SHTN1: variants seen among roughly 807,000 people sequenced by gnomAD.
SHTN1 encodes shootin-1.
SHTN1 carries 42 observed loss-of-function variants against 83.1 expected under a neutral mutation model. The ratio of observed to expected loss-of-function variants is 0.51; its 90% CI spans 0.39 to 0.65. SHTN1 has a LOEUF of 0.65. Among genes scored for constraint, SHTN1 ranks in the 30% least tolerant of loss-of-function variants. SHTN1 has a pLI of 0.00. For missense variants in SHTN1, 622 were observed against 737.8 expected, an observed-to-expected ratio of 0.84 and a Z score of 1.82; for synonymous variants, 224 against 247.7, an observed-to-expected ratio of 0.90 and a Z score of 0.90.
At chr10:116,923,984 T>C (rs1427782706) in intron 11 of SHTN1, among the ~76,000 whole-genome samples, 1 of 152,164 alleles carries the variant, frequency 6.6e-6, no homozygotes, top group Non-Finnish European at 1.5e-5. Flanking sequence ...CCATAAAGCA[T>C]AGTAAAAAGA....
intron 16 of SHTN1, chr10:116,900,587 C>T: frequency 6.5e-7 from 1 of 1,531,672 alleles, no homozygotes; most frequent in Non-Finnish European, 8.7e-7. Flanking sequence ...CACACTGAAG[C>T]ATTTATCAGA....
chr10:117,063,619 A>C (rs1852932394), intron 1 of SHTN1, among the ~76,000 whole-genome samples: 1 of 152,134 alleles, frequency 6.6e-6, no homozygotes, highest in Non-Finnish European at 1.5e-5. Context: ...TGCTCTTGAG[A>C]AAAATGCAAA....
intron 1 of SHTN1, among the ~76,000 whole-genome samples, chr10:117,004,328 G>A (rs1260528142): frequency 6.6e-6 from 1 of 152,094 alleles, no homozygotes; most frequent in African/African-American, 2.4e-5. Flanking sequence ...AAAAATGATT[G>A]ACTGAAGCAG....
intron 4 of SHTN1, among the ~76,000 whole-genome samples, chr10:116,955,664 T>G (rs915129681): frequency 2.0e-5 from 3 of 152,162 alleles, no homozygotes; most frequent in Non-Finnish European, 4.4e-5. Flanking sequence ...GGAGATCTGA[T>G]TTCTACCCCA....
Position 117,073,681 on chromosome 10 carries a change from C to T in SHTN1, c.-188-25171G>A, listed in dbSNP as rs187823636. ...GATTTGCTTTAATTTTTAGCCCCCT[C>T]CTCTAGGAGTCTGACATGAACCCTG... is the stretch of plus-strand genomic sequence containing the variant. On this transcript the variant is annotated intron_variant, in intron 1 of 17. Transcript: ENST00000392901. Among the ~76,000 whole-genome samples, 363 of 152,310 alleles carry T rather than the reference C, an allele frequency of 2.4e-3. 2 individuals are homozygous for T. Among genetic ancestry groups the T allele is most frequent in the Non-Finnish European group, 3.8e-3 (260 of 68,032 alleles).
At chr10:117,002,477 G>A (rs1851856296) in intron 1 of SHTN1, among the ~76,000 whole-genome samples, 1 of 152,196 alleles carries the variant, frequency 6.6e-6, no homozygotes, top group Non-Finnish European at 1.5e-5. Context: ...AATAGGGGTA[G>A]TGGAATTATC....
At chr10:116,984,491 CT>C (rs1303118551) in intron 1 of SHTN1, among the ~76,000 whole-genome samples, 1 of 152,062 alleles carries the variant, frequency 6.6e-6, no homozygotes, top group Non-Finnish European at 1.5e-5. Flanking sequence ...ATCAATTTCC[CT>C]TCCCTACTCC....
At chr10:117,053,605 G>C (rs1025733258) in intron 1 of SHTN1, among the ~76,000 whole-genome samples, 4 of 152,118 alleles carry the variant, frequency 2.6e-5, no homozygotes, top group Admixed American at 1.3e-4. Context: ...TTTAAAAATG[G>C]GAAGTGTTGG....
At chr10:117,097,028 T>TAA (rs1472242175) in intron 1 of SHTN1, among the ~76,000 whole-genome samples, 5 of 98,466 alleles carry the variant, frequency 5.1e-5, no homozygotes, top group African/African-American at 1.9e-4. Flanking sequence ...CACACACACA[T>TAA]AGACACACAC....
intron 2 of SHTN1, among the ~76,000 whole-genome samples, chr10:116,977,174 G>T (rs554436101): frequency 6.6e-6 from 1 of 152,286 alleles, no homozygotes; most frequent in African/African-American, 2.4e-5. Flanking sequence ...TTAGGGCACT[G>T]CTAGGTCTAC....
chr10:117,104,576 C>A (rs2133633176), intron 1 of SHTN1, among the ~76,000 whole-genome samples: 1 of 152,258 alleles, frequency 6.6e-6, no homozygotes, highest in South Asian at 2.1e-4. Flanking sequence ...CGAGACCATC[C>A]TGGCTAACAA....
intron 2 of SHTN1, among the ~76,000 whole-genome samples, chr10:117,025,934 G>A (rs1030450532): frequency 7.9e-5 from 12 of 152,300 alleles, no homozygotes; most frequent in African/African-American, 2.6e-4. Flanking sequence ...TATGTCGAGG[G>A]CCTTGGGTGA....
At chr10:117,042,598 T>C (rs1032759875) in intron 2 of SHTN1, among the ~76,000 whole-genome samples, 4 of 151,994 alleles carry the variant, frequency 2.6e-5, no homozygotes, top group Admixed American at 6.6e-5. Context: ...TTCCATTATA[T>C]TCATGACCAG....
At chr10:117,047,412 GA>G (rs1852680691) in intron 2 of SHTN1, among the ~76,000 whole-genome samples, 1 of 152,058 alleles carries the variant, frequency 6.6e-6, no homozygotes, top group African/African-American at 2.4e-5. Flanking sequence ...TCAACACTGA[GA>G]AATGATTAAT....
chr10:117,101,428 G>A (rs1393828762), intron 1 of SHTN1, among the ~76,000 whole-genome samples: 1 of 152,208 alleles, frequency 6.6e-6, no homozygotes, highest in Non-Finnish European at 1.5e-5. Flanking sequence ...CAAGGGATAA[G>A]AGAACAGCTG....
At position 116,884,093 on chromosome 10, in the gene SHTN1, A is replaced by G. The variant is rs537023513; in HGVS notation, c.*2251T>C. On this transcript the variant is annotated 3_prime_UTR_variant, in exon 17 of 17. Transcript: ENST00000355371. ...TCCCAAACAGAAGGAAGCATAAATAACCTTTTAGAGAAATCAAAAACATAA... is the reference window on the plus strand; with the variant it reads ...TCCCAAACAGAAGGAAGCATAAATAGCCTTTTAGAGAAATCAAAAACATAA... 5.1e-6 allele frequency: 2 copies of G among 391,878 alleles called. No homozygotes were observed. The highest frequency in any genetic ancestry group is 1.5e-4 in the East Asian group (2 of 13,040). 24.3% of individuals were successfully genotyped at this position (391,878 alleles called of 1,614,324 possible).
At chr10:117,119,334 A>AAC (rs1853892055) in intron 1 of SHTN1, among the ~76,000 whole-genome samples, 1 of 152,244 alleles carries the variant, frequency 6.6e-6, no homozygotes, top group Non-Finnish European at 1.5e-5. Context: ...AAGAAGCTCA[A>AAC]ACAATTCTAC....
At chr10:117,095,589 T>C (rs1201653448) in intron 1 of SHTN1, among the ~76,000 whole-genome samples, 2 of 152,208 alleles carry the variant, frequency 1.3e-5, no homozygotes, top group African/African-American at 2.4e-5. Flanking sequence ...ATTCAAGCCA[T>C]TGAAAGAGAA....
At chr10:116,961,544 A>G (rs947863248) in intron 3 of SHTN1, among the ~76,000 whole-genome samples, 2 of 152,056 alleles carry the variant, frequency 1.3e-5, no homozygotes, top group Admixed American at 6.6e-5. Flanking sequence ...TGAGCACGAT[A>G]CTTGCATTAT....
Sources: gnomAD v4.1 joint callset for allele counts (sites outside exome capture counted in the v4.1 genomes callset) on GRCh38, gnomAD v4.1.1 for gene constraint, MANE v1.5 for transcripts, NCBI Gene and HGNC (gene_info 2026-07-23, HGNC 2026-07-21) for gene names.